The following ECT2 variants were observed in gnomAD, a reference collection of about 807,000 sequenced individuals.
ECT2 encodes the protein protein ECT2.
Under a neutral mutation model 116.9 loss-of-function variants are expected in ECT2, and 61 were observed. The observed-to-expected ratio is 0.52, with a 90% CI of 0.42 to 0.65. ECT2 has a LOEUF of 0.65. ECT2 is among the 30% of genes least tolerant of loss of function. The pLI is 0.00. For synonymous variants in ECT2, 358 were observed against 346.4 expected, an observed-to-expected ratio of 1.03 and a Z score of -0.37; for missense variants, 937 against 1,078.7, an observed-to-expected ratio of 0.87 and a Z score of 1.84.
At chr3:172,763,456 A>G (rs73026495) in intron 11 of ECT2, among the ~76,000 whole-genome samples, 3,425 of 152,350 alleles carry the variant, frequency 0.022, 141 homozygotes, top group African/African-American at 0.078. Flanking sequence ...TAAAATAACA[A>G]GTAGTTTAGT....
intron 13 of ECT2, among the ~76,000 whole-genome samples, chr3:172,769,950 T>C (rs1560271435): frequency 6.6e-6 from 1 of 152,192 alleles, no homozygotes; most frequent in Admixed American, 6.5e-5. Flanking sequence ...AATTGACTTT[T>C]ATTTGAATTC....
intron 14 of ECT2, among the ~76,000 whole-genome samples, chr3:172,778,009 G>A (rs891712529): frequency 7.2e-5 from 11 of 152,172 alleles, no homozygotes; most frequent in African/African-American, 2.7e-4. Context: ...TTGTGTACTT[G>A]TTTCAGGAAC....
chr3:172,766,949 ATATTT>A (rs1052677224), intron 12 of ECT2, among the ~76,000 whole-genome samples: 2 of 152,190 alleles, frequency 1.3e-5, no homozygotes, highest in African/African-American at 4.8e-5. Flanking sequence ...AACTATACTG[ATATTT>A]TAGGTGCTCT....
At chr3:172,807,668 C>A (rs1728025956) in intron 21 of ECT2, 102 bp from the exon 22 acceptor site, 2 of 1,294,884 alleles carry the variant, frequency 1.5e-6, no homozygotes, top group South Asian at 3.2e-5. Flanking sequence ...AGTGATAGTT[C>A]ATTTCATTGG....
At chr3:172,825,440 C>A (rs555756350), downstream of ECT2, among the ~76,000 whole-genome samples, 31 of 152,164 alleles carry the variant, frequency 2.0e-4, no homozygotes, top group African/African-American at 7.0e-4. Flanking sequence ...AAAGCAAGGC[C>A]CCTTGTGCTA....
At chr3:172,758,128 G>GAGATTAC (rs1342533852) in intron 5 of ECT2, among the ~76,000 whole-genome samples, 2 of 152,094 alleles carry the variant, frequency 1.3e-5, no homozygotes, top group Admixed American at 6.6e-5. Context: ...CCAAAGTGTT[G>GAGATTAC]AGATTACAGG....
chr3:172,816,976 T>C (rs1729831660), intron 24 of ECT2, 139 bp downstream of exon 24: 2 of 610,970 alleles, frequency 3.3e-6, no homozygotes, highest in Non-Finnish European at 5.3e-6. Context: ...TGCTAAAATA[T>C]TATCATTTGA....
intron 1 of ECT2, among the ~76,000 whole-genome samples, chr3:172,751,493 C>T (rs1715815759): frequency 6.6e-6 from 1 of 152,174 alleles, no homozygotes. Context: ...ATAGTACCTG[C>T]CTCTTAGGAT....
At chr3:172,776,198 CTTTTTTTTTT>C (rs60558773) in intron 14 of ECT2, among the ~76,000 whole-genome samples, 26 of 111,592 alleles carry the variant, frequency 2.3e-4, no homozygotes, top group African/African-American at 4.9e-4. Flanking sequence ...TCAGTTTTTT[CTTTTTTTTTT>C]TTTTTTTTTT....
chr3:172,773,134 A>G (rs1209570239), intron 13 of ECT2, among the ~76,000 whole-genome samples: 4 of 152,192 alleles, frequency 2.6e-5, no homozygotes, highest in African/African-American at 9.6e-5. Flanking sequence ...GAGAATTGAC[A>G]TTCTTACTGT....
intron 14 of ECT2, among the ~76,000 whole-genome samples, chr3:172,780,130 C>T (rs745313347): frequency 2.0e-5 from 3 of 151,920 alleles, no homozygotes; most frequent in Non-Finnish European, 4.4e-5. Context: ...ATATGTTATA[C>T]ATTGATACTA....
chr3:172,802,747 T>C, intron 19 of ECT2, 53 bp downstream of exon 19: 2 of 1,514,854 alleles, frequency 1.3e-6, no homozygotes, highest in Non-Finnish European at 1.8e-6. Context: ...GTTAATGAGG[T>C]TTCTGTGGTT....
At position 172,799,370 on chromosome 3, in the gene ECT2, T is replaced by G. The variant is rs114454881; in HGVS notation, c.1908-3246T>G. The stretch of plus-strand genomic sequence containing the variant: ...TCAAACTGCAAACCAGGGCAAGAAG[T>G]GACATTTTTTTAATGCTGTAGACAG... On this transcript the variant is annotated intron_variant, in intron 18 of 24. Transcript: ENST00000392692. Among the ~76,000 whole-genome samples the G allele has an allele frequency of 2.3e-3, 353 of 152,204 alleles. 2 individuals are homozygous for G. Among genetic ancestry groups the G allele is most frequent in the African/African-American group, 8.1e-3 (337 of 41,532 alleles).
In ECT2 at chr3:172,793,817, G is replaced by T. The variant is rs1388025759; in HGVS notation, c.1907+7243G>T. Among the ~76,000 whole-genome samples the T allele has an allele frequency of 2.0e-5, 3 of 151,996 alleles. No individual in the cohort carries two copies. In the South Asian group the frequency reaches 6.2e-4, roughly 31 times the overall value. On this transcript the variant is annotated intron_variant, in intron 18 of 24. Coordinates refer to ENST00000392692, the MANE Select transcript of ECT2 (RefSeq NM_001258315.2). ...TAATAGATGTTTGGTTGTCTTTCCT[G>T]GTGGTTTTGATTTGCATTTGCATGA... is the stretch of plus-strand genomic sequence containing the variant.
chr3:172,825,794 C>G (rs567007792), downstream of ECT2, among the ~76,000 whole-genome samples: 179 of 152,326 alleles, frequency 1.2e-3, 1 homozygote, highest in African/African-American at 3.9e-3. Flanking sequence ...AGCAAGTTAT[C>G]TAGAAGAGCT....
intron 21 of ECT2, among the ~76,000 whole-genome samples, chr3:172,807,189 AG>A (rs1465229402): frequency 6.6e-6 from 1 of 152,186 alleles, no homozygotes; most frequent in Non-Finnish European, 1.5e-5. Flanking sequence ...GGTTACTTAT[AG>A]TACCTACACA....
chr3:172,823,724 ATACCT>A (rs958693123), downstream of ECT2, among the ~76,000 whole-genome samples: 33 of 152,316 alleles, frequency 2.2e-4, no homozygotes, highest in African/African-American at 5.1e-4. Flanking sequence ...AACAATGTTC[ATACCT>A]TAATTTAAAA....
intron 22 of ECT2, among the ~76,000 whole-genome samples, chr3:172,812,354 AT>A (rs1164833742): frequency 1.3e-5 from 2 of 152,072 alleles, no homozygotes; most frequent in African/African-American, 2.4e-5. Flanking sequence ...ATAAATGGAT[AT>A]TTTACCTGTT....
intron 21 of ECT2, 69 bp downstream of exon 21, chr3:172,805,938 C>A: frequency 6.6e-7 from 1 of 1,515,234 alleles, no homozygotes; most frequent in Non-Finnish European, 8.9e-7. Flanking sequence ...TAATTTACTC[C>A]ATTTTGGCTT....
Sources: allele counts gnomAD v4.1 joint callset (sites outside exome capture counted in the v4.1 genomes callset), GRCh38; gene constraint gnomAD v4.1.1; transcripts MANE v1.5; gene names NCBI Gene and HGNC (gene_info 2026-07-23, HGNC 2026-07-21).